Variants in SYN3 observed in about 807,000 individuals in gnomAD.
SYN3 encodes the protein synapsin-3.
A neutral mutation model predicts 65.8 loss-of-function variants in SYN3; 35 were observed. The ratio of observed to expected loss-of-function variants is 0.53; its 90% CI spans 0.41 to 0.70. The LOEUF is 0.70. SYN3 is among the 30% of genes least tolerant of loss of function. The probability of loss-of-function intolerance (pLI) is 0.00; values close to 1 mark genes in which losing one functional copy is unlikely to be tolerated. For synonymous variants in SYN3, 270 were observed against 292.9 expected (o/e 0.92, Z 0.80); for missense variants, 680 against 749.0 (o/e 0.91, Z 1.08).
intron 6 of SYN3, among the ~76,000 whole-genome samples, chr22:32,677,925 G>A (rs1341788834): frequency 6.6e-6 from 1 of 152,202 alleles, no homozygotes; most frequent in African/African-American, 2.4e-5. Flanking sequence ...CAGAGCAAGG[G>A]ATTCCCTGCA....
chr22:32,558,415 C>A (rs565937860), intron 7 of SYN3, among the ~76,000 whole-genome samples: 5 of 152,338 alleles, frequency 3.3e-5, no homozygotes, highest in African/African-American at 9.6e-5. Context: ...ATGCGAAGAA[C>A]TTGCCTGAAA....
chr22:32,523,014 C>T (rs1057070333), intron 12 of SYN3, among the ~76,000 whole-genome samples: 4 of 152,200 alleles, frequency 2.6e-5, no homozygotes, highest in Admixed American at 6.5e-5. Context: ...AGGGTTGTGA[C>T]GACCTTGCAT....
intron 2 of SYN3, among the ~76,000 whole-genome samples, chr22:32,993,466 C>T (rs2052783494): frequency 6.6e-6 from 1 of 152,224 alleles, no homozygotes; most frequent in Non-Finnish European, 1.5e-5. Flanking sequence ...AGTGATTCTC[C>T]TCCCGAGTAG....
rs1436489934 is a variant in SYN3 at position 32,800,245 on chromosome 22, G to A, written c.711+64670C>T. ...TCCAAACTTGTGGCATTTCTAACAG[G>A]ATGAAGCGGAAGAGAAAGGGAAAGA... On this transcript the variant is annotated intron_variant, in intron 6 of 13. Coordinates refer to ENST00000358763, the MANE Select transcript of SYN3 (RefSeq NM_003490.4). 3.9e-5 allele frequency among the ~76,000 whole-genome samples: 6 copies of A among 152,262 alleles called. No individual in the cohort carries two copies. In the East Asian group the frequency reaches 1.2e-3, roughly 29 times the overall value.
intron 6 of SYN3, among the ~76,000 whole-genome samples, chr22:32,826,870 C>A (rs2047429489): frequency 6.6e-6 from 1 of 152,160 alleles, no homozygotes; most frequent in South Asian, 2.1e-4. Flanking sequence ...ATCCCTGTGA[C>A]AACCCTAGGA....
intron 6 of SYN3, among the ~76,000 whole-genome samples, chr22:32,644,856 G>A (rs923594077): frequency 2.0e-5 from 3 of 152,066 alleles, no homozygotes; most frequent in Non-Finnish European, 4.4e-5. Flanking sequence ...TGACTGTTCC[G>A]GGAAAGGGGA....
intron 4 of SYN3, among the ~76,000 whole-genome samples, chr22:32,912,543 C>A (rs1011392474): frequency 6.6e-6 from 1 of 151,860 alleles, no homozygotes; most frequent in Non-Finnish European, 1.5e-5. Flanking sequence ...TAGTGAGACC[C>A]CCCCATCTCT....
intron 6 of SYN3, among the ~76,000 whole-genome samples, chr22:32,817,993 T>C (rs1483467419): frequency 2.0e-5 from 3 of 152,220 alleles, no homozygotes; most frequent in Non-Finnish European, 4.4e-5. Flanking sequence ...ATTAAAGCTA[T>C]GCATACAAAT....
At chr22:32,970,040 G>A (rs752162829) in intron 3 of SYN3, among the ~76,000 whole-genome samples, 2 of 152,170 alleles carry the variant, frequency 1.3e-5, no homozygotes, top group Non-Finnish European at 2.9e-5. Context: ...AATGCTTCAA[G>A]AGACTGAAGC....
At chr22:32,578,257 C>T (rs2058883530) in intron 7 of SYN3, among the ~76,000 whole-genome samples, 1 of 151,096 alleles carries the variant, frequency 6.6e-6, no homozygotes, top group African/African-American at 2.4e-5. Context: ...CTCTCTCCCT[C>T]TCTCTTTCTG....
chr22:32,937,839 A>G (rs554169137), intron 3 of SYN3, among the ~76,000 whole-genome samples: 8 of 69,168 alleles, frequency 1.2e-4, no homozygotes, highest in African/African-American at 3.3e-4. Context: ...AAAAATACAC[A>G]CAAAAAAAAG....
chr22:32,797,648 G>A (rs954639759), intron 6 of SYN3, among the ~76,000 whole-genome samples: 1 of 152,186 alleles, frequency 6.6e-6, no homozygotes, highest in Non-Finnish European at 1.5e-5. Context: ...TAGGACTTTG[G>A]CATCACAATC....
intron 1 of SYN3, among the ~76,000 whole-genome samples, chr22:33,035,451 C>T (rs887334574): frequency 4.0e-5 from 6 of 151,680 alleles, no homozygotes; most frequent in South Asian, 4.2e-4. Flanking sequence ...GCCAGGTCCC[C>T]GTGGAAAGGT....
chr22:32,629,379 G>A (rs957592012), intron 6 of SYN3, among the ~76,000 whole-genome samples: 2 of 152,216 alleles, frequency 1.3e-5, no homozygotes, highest in Admixed American at 6.5e-5. Context: ...TAACCACTAC[G>A]TAATGCAAAG....
At chr22:32,579,217 C>G (rs866887528) in intron 7 of SYN3, among the ~76,000 whole-genome samples, 44 of 152,158 alleles carry the variant, frequency 2.9e-4, no homozygotes, top group African/African-American at 9.2e-4. Context: ...CTCCAAACAG[C>G]TTGGCACCAA....
intron 6 of SYN3, among the ~76,000 whole-genome samples, chr22:32,845,284 C>T (rs558752836): frequency 2.0e-5 from 3 of 152,182 alleles, no homozygotes; most frequent in African/African-American, 7.2e-5. Flanking sequence ...GCAACCTCCA[C>T]CTCCTGGGTT....
At chr22:32,690,692 C>A (rs1468703217) in intron 6 of SYN3, among the ~76,000 whole-genome samples, 1 of 152,170 alleles carries the variant, frequency 6.6e-6, no homozygotes. Context: ...ATCCCTCCAC[C>A]AGGTGGGAGC....
chr22:32,808,500 C>G (rs74815824), intron 6 of SYN3, among the ~76,000 whole-genome samples: 1,685 of 152,282 alleles, frequency 0.011, 32 homozygotes, highest in African/African-American at 0.038. Context: ...AATTCCTGTT[C>G]TGATGAAAGC....
At chr22:32,703,025 GGTTA>G (rs2060830420) in intron 6 of SYN3, among the ~76,000 whole-genome samples, 1 of 152,256 alleles carries the variant, frequency 6.6e-6, no homozygotes, top group Non-Finnish European at 1.5e-5. Flanking sequence ...TAGATGCTGG[GGTTA>G]GTTAGAGGCA....
Sources: gnomAD v4.1 joint callset for allele counts (sites outside exome capture counted in the v4.1 genomes callset) on GRCh38, gnomAD v4.1.1 for gene constraint, MANE v1.5 for transcripts, NCBI Gene and HGNC (gene_info 2026-07-23, HGNC 2026-07-21) for gene names.